The following CPS1 variants were observed in gnomAD, a reference collection of about 807,000 sequenced individuals.
CPS1 encodes carbamoyl-phosphate synthase 1, also known as carbamoyl-phosphate synthase [ammonia], mitochondrial.
A neutral mutation model predicts 174.6 loss-of-function variants in CPS1; 109 were observed. The ratio of observed to expected loss-of-function variants is 0.62; its 90% CI spans 0.53 to 0.73. The LOEUF is 0.73. CPS1 is among the 30% of genes least tolerant of loss of function. The pLI is 0.00. For missense variants in CPS1, 1,689 were observed against 1,821.9 expected (o/e 0.93, Z 1.33); for synonymous variants, 637 against 632.0 (o/e 1.01, Z -0.12).
rs778117194 is a variant in CPS1 at position 210,658,615 on chromosome 2, G to A, written c.3683G>A (p.Arg1228Gln). 3.8e-5 allele frequency: 62 copies of A among 1,613,706 alleles called. No individual in the cohort carries two copies. The highest frequency in any genetic ancestry group is 3.3e-4 in the Middle Eastern group (2 of 6,084). ...GAIEKVKDATRKIAKAFAISG... is the reference protein window; with the variant it reads ...GAIEKVKDATQKIAKAFAISG... ...TTAATTCAGGTGAAGGATGCTACCCGGAAGATTGCAAAGGCTTTTGCCATC... is the reference window on the plus strand; with the variant it reads ...TTAATTCAGGTGAAGGATGCTACCCAGAAGATTGCAAAGGCTTTTGCCATC... The change falls in exon 31 of 38, where the codon CGG (arginine) becomes CAG (glutamine). Residue 1228 changes from arginine to glutamine, a missense_variant. Arg to Gln is a conservative substitution (Grantham distance 43). Coordinates refer to ENST00000233072, the MANE Select transcript of CPS1 (RefSeq NM_001875.5).
At chr2:210,668,149 C>T in intron 33 of CPS1, 37 bp from the exon 34 acceptor site, 1 of 1,435,934 alleles carries the variant, frequency 7.0e-7, no homozygotes, top group Non-Finnish European at 9.8e-7. Flanking sequence ...CTATTCTTTG[C>T]ATCCTCTATT....
At chr2:210,534,490 G>A (rs1017274075) in intron 1 of CPS1, among the ~76,000 whole-genome samples, 10 of 152,198 alleles carry the variant, frequency 6.6e-5, no homozygotes, top group Non-Finnish European at 1.3e-4. Context: ...CACTGTGGCA[G>A]TTATCGGCTG....
chr2:210,537,788 A>T (rs955031497), intron 1 of CPS1, among the ~76,000 whole-genome samples: 1 of 152,068 alleles, frequency 6.6e-6, no homozygotes, highest in African/African-American at 2.4e-5. Flanking sequence ...CAGAGGCTCG[A>T]GTAATTTGTT....
chr2:210,650,302 A>AACC (rs1700518608), intron 27 of CPS1, 61 bp from the exon 28 acceptor site: 1 of 1,353,454 alleles, frequency 7.4e-7, no homozygotes, highest in Non-Finnish European at 1.1e-6. Context: ...CTGTTCTGAG[A>AACC]ACCAGTCAAG....
intron 5 of CPS1, 54 bp downstream of exon 5, chr2:210,579,824 G>A: frequency 8.4e-6 from 12 of 1,436,934 alleles, no homozygotes; most frequent in Non-Finnish European, 1.2e-5. Context: ...GTGTGTGTGT[G>A]TGTGTGTGTG....
chr2:210,590,143 A>G lies in CPS1; in HGVS notation c.749A>G (p.Asp250Gly). 1 of 1,612,852 alleles carries G rather than the reference A, an allele frequency of 6.2e-7. No homozygotes were observed. Among genetic ancestry groups the G allele is most frequent in the Non-Finnish European group, 8.5e-7 (1 of 1,179,172 alleles). Residue 250 changes from aspartate (D) to glycine (G), a missense_variant, in exon 8 of 38, where the codon GAT (aspartate) becomes GGT (glycine). Transcript: ENST00000233072. ...GTGCACTTAGTTCCCTGGAACCATG[A>G]TTTCACCAAGATGGAGTATGATGGG... ...AEVHLVPWNH[D>G]FTKMEYDGIL...
chr2:210,590,920 A>T lies in CPS1; in HGVS notation c.947+14A>T, dbSNP rs759296092. Reference sequence around the variant, plus strand: ...CATGGCCAACAGGTGAGGTATTTTCACTTTTGCTTACAGTAAACCAGCTCT... The same window carrying T: ...CATGGCCAACAGGTGAGGTATTTTCTCTTTTGCTTACAGTAAACCAGCTCT... On this transcript the variant is annotated intron_variant, in intron 9 of 37. Coordinates refer to ENST00000233072, the MANE Select transcript of CPS1 (RefSeq NM_001875.5). The T allele has an allele frequency of 1.2e-6, 2 of 1,602,080 alleles. No homozygotes were observed. The highest frequency in any genetic ancestry group is 3.4e-5 in the Admixed American group (2 of 59,686).
intron 15 of CPS1, 25 bp from the exon 16 acceptor site, chr2:210,602,177 G>A (rs376305161): frequency 6.8e-6 from 11 of 1,611,548 alleles, no homozygotes; most frequent in Non-Finnish European, 9.3e-6. Flanking sequence ...CTTTTAAAAT[G>A]TTGAGTCCTT....
At chr2:210,554,245 A>G (rs182545830), upstream of CPS1, among the ~76,000 whole-genome samples, 74 of 148,400 alleles carry the variant, frequency 5.0e-4, no homozygotes, top group Middle Eastern at 3.5e-3. Flanking sequence ...GTATGTATAT[A>G]TATACACACA....
intron 13 of CPS1, 83 bp downstream of exon 13, chr2:210,595,665 C>T: frequency 1.1e-6 from 1 of 946,236 alleles, no homozygotes; most frequent in South Asian, 1.4e-5. Context: ...ATTTATGACA[C>T]TACCTCTTTT....
At chr2:210,478,014 G>T (rs1474738932) in intron 1 of CPS1, among the ~76,000 whole-genome samples, 1 of 152,122 alleles carries the variant, frequency 6.6e-6, no homozygotes, top group Non-Finnish European at 1.5e-5. Flanking sequence ...TTCCCCTAAT[G>T]ATGGACATTG....
chr2:210,547,243 T>A (rs923828169), intron 1 of CPS1, among the ~76,000 whole-genome samples: 10 of 152,174 alleles, frequency 6.6e-5, no homozygotes, highest in African/African-American at 2.4e-4. Flanking sequence ...TTTATTTAAA[T>A]GTAAACATTA....
intron 1 of CPS1, among the ~76,000 whole-genome samples, chr2:210,479,559 C>T (rs935395723): frequency 6.6e-6 from 1 of 152,124 alleles, no homozygotes; most frequent in Non-Finnish European, 1.5e-5. Flanking sequence ...GAACTCCTGA[C>T]CTCAAGTGAT....
chr2:210,657,106 G>GT (rs1700734552), intron 30 of CPS1, among the ~76,000 whole-genome samples: 1 of 152,158 alleles, frequency 6.6e-6, no homozygotes, highest in Admixed American at 6.5e-5. Context: ...TCAGTTAGGA[G>GT]TGGTGAAACA....
intron 1 of CPS1, among the ~76,000 whole-genome samples, chr2:210,506,474 G>A (rs1050612059): frequency 7.9e-5 from 12 of 152,118 alleles, no homozygotes; most frequent in Admixed American, 1.3e-4. Context: ...AAATCAGAGC[G>A]CCTCTTCTAC....
At chr2:210,612,652 A>G (rs997301365) in intron 20 of CPS1, among the ~76,000 whole-genome samples, 2 of 151,874 alleles carry the variant, frequency 1.3e-5, no homozygotes, top group African/African-American at 4.8e-5. Context: ...ATGTTCCTTG[A>G]ATGTGTAAAA....
chr2:210,553,931 G>C (rs1393619756), upstream of CPS1, among the ~76,000 whole-genome samples: 1 of 151,420 alleles, frequency 6.6e-6, no homozygotes, highest in African/African-American at 2.4e-5. Context: ...TTTATTGGCT[G>C]TTCCAACCTC....
intron 1 of CPS1, among the ~76,000 whole-genome samples, chr2:210,518,870 C>T (rs1461125567): frequency 6.6e-6 from 1 of 151,974 alleles, no homozygotes; most frequent in East Asian, 1.9e-4. Context: ...CCCTTTAAAT[C>T]TAAATTTACC....
At chr2:210,482,976 A>G (rs1694614384) in intron 1 of CPS1, among the ~76,000 whole-genome samples, 1 of 152,232 alleles carries the variant, frequency 6.6e-6, no homozygotes, top group Admixed American at 6.5e-5. Flanking sequence ...GATCTAGACT[A>G]AATATTGATC....
Sources: allele counts gnomAD v4.1 joint callset (sites outside exome capture counted in the v4.1 genomes callset), GRCh38; gene constraint gnomAD v4.1.1; transcripts MANE v1.5; gene names NCBI Gene and HGNC (gene_info 2026-07-23, HGNC 2026-07-21).